Variants in CR1L observed in about 807,000 individuals in gnomAD.
CR1L encodes complement C3b/C4b receptor 1 like.
Under a neutral mutation model 62.3 loss-of-function variants are expected in CR1L, and 59 were observed. That is an observed-to-expected ratio of 0.95 (90% confidence interval 0.77 to 1.18). CR1L has a LOEUF of 1.18. Ranked by LOEUF, CR1L falls within the 50% of genes most tolerant of loss-of-function variation. The pLI, the probability that CR1L is intolerant of heterozygous loss-of-function variation, is 0.00. For synonymous variants in CR1L, 279 were observed against 248.7 expected, an observed-to-expected ratio of 1.12 and a Z score of -1.15; for missense variants, 700 against 702.8, an observed-to-expected ratio of 1.00 and a Z score of 0.04.
chr1:207,694,853 G>C (rs964980822), intron 5 of CR1L, 102 bp downstream of exon 5: 2 of 1,566,402 alleles, frequency 1.3e-6, no homozygotes, highest in Admixed American at 1.9e-5. Context: ...TGCTGAGCAG[G>C]GTCGAGAAGC....
intron 10 of CR1L, among the ~76,000 whole-genome samples, chr1:207,712,776 A>G (rs1288681895): frequency 6.6e-6 from 1 of 152,122 alleles, no homozygotes; most frequent in Non-Finnish European, 1.5e-5. Flanking sequence ...AAATCCTGTG[A>G]TGACTTCCTG....
At chr1:207,669,650 G>A in intron 1 of CR1L, 1 of 782,312 alleles carries the variant, frequency 1.3e-6, no homozygotes, top group Non-Finnish European at 2.0e-6. Context: ...GCGCTGGGCT[G>A]CGCTGCTCTG....
At chr1:207,664,266 C>A (rs2102448226) in intron 1 of CR1L, among the ~76,000 whole-genome samples, 1 of 152,326 alleles carries the variant, frequency 6.6e-6, no homozygotes, top group African/African-American at 2.4e-5. Context: ...TAATTAACAT[C>A]ATTTCTGTGG....
intron 10 of CR1L, among the ~76,000 whole-genome samples, chr1:207,709,642 G>A (rs193228270): frequency 6.6e-6 from 1 of 152,232 alleles, no homozygotes; most frequent in Non-Finnish European, 1.5e-5. Context: ...TTCAAGACCA[G>A]CCTGGCCAAC....
intron 1 of CR1L, among the ~76,000 whole-genome samples, chr1:207,650,538 GAAATA>G (rs145125617): frequency 0.02 from 3,034 of 152,224 alleles, 121 homozygotes; most frequent in African/African-American, 0.07. Context: ...TGGGAAGTGA[GAAATA>G]AAATTGAAAT....
At chr1:207,694,156 A>G (rs887101251) in intron 4 of CR1L, among the ~76,000 whole-genome samples, 197 bp from the exon 5 acceptor site, 2 of 152,230 alleles carry the variant, frequency 1.3e-5, no homozygotes, top group African/African-American at 4.8e-5. Flanking sequence ...ATGCATGCAA[A>G]TATTATAGGA....
intron 1 of CR1L, chr1:207,669,355 A>G (rs1306392289): frequency 4.8e-6 from 4 of 825,182 alleles, no homozygotes; most frequent in Admixed American, 4.2e-5. Context: ...GCGGAGCACA[A>G]GGATTGGTCA....
At chr1:207,683,010 T>TTTTC (rs149982957) in intron 3 of CR1L, among the ~76,000 whole-genome samples, 60 of 125,492 alleles carry the variant, frequency 4.8e-4, no homozygotes, top group Non-Finnish European at 9.6e-4. Flanking sequence ...CTTTCTTTCT[T>TTTTC]TTTCTTTCTT....
chr1:207,645,375 C>T (rs1663103631), intron 1 of CR1L, 45 bp downstream of exon 1: 1 of 1,596,332 alleles, frequency 6.3e-7, no homozygotes, highest in Non-Finnish European at 8.6e-7. Context: ...GAGGCTAGAG[C>T]TCTGCTCAGT....
chr1:207,647,434 T>C (rs886943335), intron 1 of CR1L, among the ~76,000 whole-genome samples: 6 of 152,172 alleles, frequency 3.9e-5, no homozygotes, highest in Non-Finnish European at 8.8e-5. Context: ...GTTGAACACA[T>C]ACAACCCAGT....
Position 207,677,524 on chromosome 1 carries a change from G to A in CR1L, c.233G>A (p.Cys78Tyr), listed in dbSNP as rs778285001. 8.7e-6 allele frequency: 14 copies of A among 1,613,718 alleles called. No individual in the cohort carries two copies. The South Asian group carries it at 1.4e-4, about 16-fold the overall frequency. The change falls in exon 2 of 12, where the codon TGC becomes TAC. Residue 78 changes from cysteine to tyrosine, a missense_variant. By Grantham distance (194) the Cys-to-Tyr change is radical. Coordinates refer to ENST00000508064, the MANE Select transcript of CR1L (RefSeq NM_175710.2). ...TCCGGAAGACCGTTTTCTATCATCT[G>A]CCTAAAAAACTCAGTCTGGACAAGT... ...GYSGRPFSIICLKNSVWTSAK... is the reference protein window; with the variant it reads ...GYSGRPFSIIYLKNSVWTSAK...
chr1:207,678,114 G>A (rs1256436617), intron 2 of CR1L, 84 bp from the exon 3 acceptor site: 11 of 1,189,864 alleles, frequency 9.2e-6, no homozygotes, highest in Admixed American at 1.8e-5. Flanking sequence ...TCCTCAGTAA[G>A]CTATAGGCAG....
chr1:207,669,243 GA>G (rs1663570275), intron 1 of CR1L: 3 of 439,662 alleles, frequency 6.8e-6, no homozygotes, highest in Non-Finnish European at 1.2e-5. Context: ...AAACTCGTTA[GA>G]AACAATGCAA....
rs139674690 is a variant in CR1L at position 207,694,544 on chromosome 1, G to T, written c.655G>T (p.Gly219Cys). ...SKDDQVGIWSGPAPQCIIPNK... is the reference protein window; with the variant it reads ...SKDDQVGIWSCPAPQCIIPNK... ...AGATGATCAAGTGGGCATCTGGAGT[G>T]GCCCAGCCCCTCAGTGCATTATACC... Residue 219 changes from glycine (G) to cysteine (C), a missense_variant, in exon 5 of 12, where the codon GGC (glycine) becomes TGC (cysteine). By Grantham distance (159) the Gly-to-Cys change is radical. Coordinates refer to ENST00000508064, the MANE Select transcript of CR1L (RefSeq NM_175710.2). 1 of 1,612,832 alleles carries T rather than the reference G, an allele frequency of 6.2e-7. No homozygotes were observed. Among genetic ancestry groups the T allele is most frequent in the South Asian group, 1.1e-5 (1 of 91,042 alleles).
chr1:207,708,981 T>A (rs1407937506), intron 10 of CR1L: 1 of 343,260 alleles, frequency 2.9e-6, no homozygotes, highest in East Asian at 7.7e-5. Context: ...TGGCTGTAGA[T>A]CAGTATCCAG....
chr1:207,699,685 T>C (rs1424799104), intron 8 of CR1L, among the ~76,000 whole-genome samples: 1 of 152,190 alleles, frequency 6.6e-6, no homozygotes, highest in Non-Finnish European at 1.5e-5. Context: ...GCAGTCAGTC[T>C]ACAATTTGTG....
intron 9 of CR1L, among the ~76,000 whole-genome samples, chr1:207,706,044 T>G (rs12405078): frequency 8.4e-6 from 1 of 118,836 alleles, no homozygotes; most frequent in Non-Finnish European, 1.8e-5. Flanking sequence ...TATATATATA[T>G]AAAACACTGA....
At chr1:207,691,256 C>T (rs1489074613) in intron 4 of CR1L, among the ~76,000 whole-genome samples, 1 of 152,138 alleles carries the variant, frequency 6.6e-6, no homozygotes, top group Non-Finnish European at 1.5e-5. Flanking sequence ...CTCTTTACCT[C>T]TCATAATACT....
rs748714957 is a variant in CR1L at position 207,708,242 on chromosome 1, A to C, written c.1393A>C (p.Met465Leu). The change falls in exon 10 of 12, where the codon ATG becomes CTG. Residue 465 changes from methionine to leucine, a missense_variant. Physicochemically the swap from Met to Leu is conservative, Grantham distance 15 (BLOSUM62 2). Coordinates refer to ENST00000508064, the MANE Select transcript of CR1L (RefSeq NM_175710.2). ...CTCGGGCAATACTGCCCATTGGAGC[A>C]TGAAGCCACCAATTTGTCAACGTGA... The part of the protein sequence containing the change: ...ILSGNTAHWS[M>L]KPPICQQIFC... 1 of 1,611,438 alleles carries C rather than the reference A, an allele frequency of 6.2e-7. No homozygotes were observed. The highest frequency in any genetic ancestry group is 1.1e-5 in the South Asian group (1 of 90,978).
Sources: allele counts gnomAD v4.1 joint callset (sites outside exome capture counted in the v4.1 genomes callset), GRCh38; gene constraint gnomAD v4.1.1; transcripts MANE v1.5; gene names NCBI Gene and HGNC (gene_info 2026-07-23, HGNC 2026-07-21).